Variants in FER1L6 observed in about 807,000 individuals in gnomAD.
The protein encoded by FER1L6 is fer-1-like protein 6.
A neutral mutation model predicts 219.2 loss-of-function variants in FER1L6; 177 were observed. The ratio of observed to expected loss-of-function variants is 0.81; its 90% CI spans 0.71 to 0.91. The LOEUF is 0.91. Ranked by LOEUF, FER1L6 falls within the 40% of genes least tolerant of loss-of-function variation. The pLI is 0.00. For synonymous variants in FER1L6, 768 were observed against 824.3 expected (o/e 0.93, Z 1.17); for missense variants, 2,153 against 2,259.9 (o/e 0.95, Z 0.96).
At chr8:124,060,317 GTTC>G (rs1820505738) in intron 23 of FER1L6, 27 bp downstream of exon 23, 1 of 1,607,502 alleles carries the variant, frequency 6.2e-7, no homozygotes, top group African/African-American at 1.3e-5. Context: ...GAGCTGAGTT[GTTC>G]TTTGGCACTC....
At chr8:124,032,933 T>C (rs915867660) in intron 18 of FER1L6, among the ~76,000 whole-genome samples, 2 of 152,092 alleles carry the variant, frequency 1.3e-5, no homozygotes, top group South Asian at 2.1e-4. Context: ...CCAGTTGAAT[T>C]TGAGTGTGCA....
chr8:123,856,469 T>A (rs1158961015), intron 1 of FER1L6, among the ~76,000 whole-genome samples: 2 of 151,192 alleles, frequency 1.3e-5, no homozygotes, highest in African/African-American at 4.9e-5. Context: ...CTCTTTCATG[T>A]CTTAGCAGCC....
chr8:124,113,933 T>G (rs937971619), intron 39 of FER1L6, among the ~76,000 whole-genome samples: 3 of 152,212 alleles, frequency 2.0e-5, no homozygotes, highest in African/African-American at 7.2e-5. Context: ...AATACAAGAT[T>G]TCTTCACTGT....
At chr8:124,061,510 T>G (rs1202523249) in intron 24 of FER1L6, among the ~76,000 whole-genome samples, 3 of 152,242 alleles carry the variant, frequency 2.0e-5, no homozygotes, top group Non-Finnish European at 4.4e-5. Flanking sequence ...TTTCATCTCT[T>G]TTATATAATG....
intron 1 of FER1L6, among the ~76,000 whole-genome samples, chr8:123,919,689 G>A (rs1813302043): frequency 6.6e-6 from 1 of 152,212 alleles, no homozygotes; most frequent in South Asian, 2.1e-4. Flanking sequence ...GTTTTCCACA[G>A]TCTTTCTCAT....
intron 1 of FER1L6, among the ~76,000 whole-genome samples, chr8:123,880,226 A>C (rs528813456): frequency 1.2e-4 from 18 of 152,022 alleles, no homozygotes; most frequent in Admixed American, 8.5e-4. Flanking sequence ...CAACCAACTG[A>C]TCAACTGATT....
chr8:124,115,546 C>T (rs1823210973), intron 39 of FER1L6, among the ~76,000 whole-genome samples: 1 of 152,054 alleles, frequency 6.6e-6, no homozygotes, highest in Non-Finnish European at 1.5e-5. Flanking sequence ...CATTGATTTT[C>T]CTATAGGAAT....
At chr8:124,013,594 C>T (rs1818042865) in intron 15 of FER1L6, 63 bp downstream of exon 15, 2 of 1,137,676 alleles carry the variant, frequency 1.8e-6, no homozygotes, top group Non-Finnish European at 2.5e-6. Flanking sequence ...TTTTAATTAC[C>T]TTGAGAAAGT....
chr8:124,000,263 A>G (rs1382026890), intron 12 of FER1L6, among the ~76,000 whole-genome samples: 2 of 152,192 alleles, frequency 1.3e-5, no homozygotes, highest in African/African-American at 4.8e-5. Context: ...AGAAGAATGA[A>G]TCACCTTTAG....
intron 10 of FER1L6, among the ~76,000 whole-genome samples, chr8:123,978,906 A>G (rs1361252166): frequency 6.6e-6 from 1 of 152,232 alleles, no homozygotes; most frequent in African/African-American, 2.4e-5. Context: ...CGGCCCATCT[A>G]TACAATATCT....
At chr8:124,023,326 C>T (rs1233574216) in intron 17 of FER1L6, 118 bp from the exon 18 acceptor site, 1 of 977,488 alleles carries the variant, frequency 1.0e-6, no homozygotes, top group Non-Finnish European at 1.5e-6. Context: ...TCAGTCACAG[C>T]ATTTGTTTTG....
rs761451326 is a variant in FER1L6, at chr8:124,003,106, C to A, written c.1520-61C>A. Reference sequence around the variant, plus strand: ...GAACATGAGTTTGGATCCTTTATGCCAAGCAGACTGATTCTGATTACCACC... The same window carrying A: ...GAACATGAGTTTGGATCCTTTATGCAAAGCAGACTGATTCTGATTACCACC... On this transcript the variant is annotated intron_variant, in intron 12 of 40. Transcript: ENST00000522917. 8 of 1,452,606 alleles carry A rather than the reference C, an allele frequency of 5.5e-6. No homozygotes were observed. The African/African-American group carries it at 1.1e-4, about 20-fold the overall frequency. The allele number at this position is 1,452,606 out of a possible 1,614,324, so 90.0% of individuals were successfully genotyped here. A position where few individuals can be genotyped will look rare whatever the true frequency, so the allele number is the denominator to read the frequency against.
intron 18 of FER1L6, among the ~76,000 whole-genome samples, chr8:124,030,296 T>C (rs1224002769): frequency 6.6e-6 from 1 of 152,086 alleles, no homozygotes; most frequent in African/African-American, 2.4e-5. Context: ...GGCTAAGTAA[T>C]GATTGATCAG....
chr8:124,064,294 C>A, intron 25 of FER1L6, 53 bp from the exon 26 acceptor site: 3 of 1,456,134 alleles, frequency 2.1e-6, no homozygotes, highest in Non-Finnish European at 2.9e-6. Context: ...GTCCCTGAAA[C>A]GACCACCCTG....
rs1274999650 is a variant in FER1L6 at position 123,852,400 on chromosome 8, G to A, written c.-8+215G>A. On this transcript the variant is annotated intron_variant, in intron 1 of 40. Transcript: ENST00000522917. The surrounding 1 kb of genome is among the most constrained non-coding windows in gnomAD (Gnocchi z 4.9). ...GGACTCAGCATTGGTCTCTGCTGTT[G>A]GCAGATTGGGTACTCAGTGGTCGCT... Among the ~76,000 whole-genome samples, 1 of 151,904 alleles carries A rather than the reference G, an allele frequency of 6.6e-6. No homozygotes were observed. The highest frequency in any genetic ancestry group is 1.5e-5 in the Non-Finnish European group (1 of 68,008).
At chr8:123,856,266 GTGTATATGTGTATA>G (rs1816641375) in intron 1 of FER1L6, among the ~76,000 whole-genome samples, 5 of 118,200 alleles carry the variant, frequency 4.2e-5, no homozygotes, top group African/African-American at 6.2e-5. Context: ...ATGTATATAT[GTGTATATGTGTATA>G]TATGTGTGTG....
intron 19 of FER1L6, among the ~76,000 whole-genome samples, chr8:124,038,930 A>G (rs920223953): frequency 1.3e-5 from 2 of 152,216 alleles, no homozygotes; most frequent in African/African-American, 4.8e-5. Flanking sequence ...GAGTGGGTAA[A>G]GAAGTAAAAA....
chr8:124,089,901 T>A (rs1768820700), intron 33 of FER1L6, among the ~76,000 whole-genome samples: 1 of 144,580 alleles, frequency 6.9e-6, no homozygotes, highest in Admixed American at 6.9e-5. Context: ...TTTCAATATA[T>A]CTGTAGAATT....
chr8:123,890,906 C>T (rs1039917400), intron 1 of FER1L6, among the ~76,000 whole-genome samples: 1 of 151,966 alleles, frequency 6.6e-6, no homozygotes, highest in African/African-American at 2.4e-5. Flanking sequence ...TAATTCAATG[C>T]AATCAATAAT....
Sources: allele counts gnomAD v4.1 joint callset (sites outside exome capture counted in the v4.1 genomes callset), GRCh38; gene constraint gnomAD v4.1.1; non-coding constraint Gnocchi (gnomAD v3.1); transcripts MANE v1.5; gene names NCBI Gene and HGNC (gene_info 2026-07-23, HGNC 2026-07-21).